PPP2R2B: variants seen among roughly 807,000 people sequenced by gnomAD.
PPP2R2B encodes protein phosphatase 2 regulatory subunit Bbeta.
Under a neutral mutation model 46.0 loss-of-function variants are expected in PPP2R2B, and 5 were observed. The observed-to-expected ratio is 0.11, with a 90% CI of 0.06 to 0.23. The LOEUF is 0.23. Among genes scored for constraint, PPP2R2B ranks in the 10% least tolerant of loss-of-function variants. The pLI is 1.00. For synonymous variants in PPP2R2B, 215 were observed against 206.7 expected (o/e 1.04, Z -0.34); for missense variants, 367 against 575.0 (o/e 0.64, Z 3.70).
At chr5:146,714,892 C>G (rs557546067) in intron 2 of PPP2R2B, among the ~76,000 whole-genome samples, 9 of 152,076 alleles carry the variant, frequency 5.9e-5, no homozygotes, top group Non-Finnish European at 1.0e-4. Context: ...ATCTCTTCCT[C>G]CCTTCCCTTC....
intron 2 of PPP2R2B, among the ~76,000 whole-genome samples, chr5:146,792,601 G>T (rs1277670502): frequency 2.6e-5 from 4 of 152,100 alleles, no homozygotes; most frequent in Non-Finnish European, 5.9e-5. Flanking sequence ...AAGACTAAAG[G>T]TGCAAGGGGA....
chr5:146,805,912 A>G (rs1004995431), intron 2 of PPP2R2B, among the ~76,000 whole-genome samples: 10 of 152,124 alleles, frequency 6.6e-5, no homozygotes, highest in African/African-American at 1.9e-4. Flanking sequence ...GTTCTTATTT[A>G]TTTCCTAGAA....
chr5:146,864,488 G>T (rs1469435884), intron 2 of PPP2R2B, among the ~76,000 whole-genome samples: 1 of 150,916 alleles, frequency 6.6e-6, no homozygotes, highest in African/African-American at 2.4e-5. Flanking sequence ...AACCATACTG[G>T]TTGTCATACT....
At chr5:146,877,063 T>A in intron 2 of PPP2R2B, among the ~76,000 whole-genome samples, 1 of 152,192 alleles carries the variant, frequency 6.6e-6, no homozygotes, top group African/African-American at 2.4e-5. Context: ...TGCAACACTT[T>A]GTATGAGTGG....
At chr5:146,929,601 G>A (rs899844063) in intron 1 of PPP2R2B, among the ~76,000 whole-genome samples, 48 of 152,172 alleles carry the variant, frequency 3.2e-4, no homozygotes, top group Middle Eastern at 6.8e-3. Context: ...GGGTACATTA[G>A]CATAGTAAAA....
chr5:146,845,847 A>C (rs1189858793), intron 2 of PPP2R2B, among the ~76,000 whole-genome samples: 1 of 152,178 alleles, frequency 6.6e-6, no homozygotes, highest in African/African-American at 2.4e-5. Flanking sequence ...GTGTAAATCT[A>C]AACTATTTTT....
intron 1 of PPP2R2B, among the ~76,000 whole-genome samples, chr5:147,004,343 G>T (rs1459372527): frequency 6.6e-6 from 1 of 152,092 alleles, no homozygotes; most frequent in Non-Finnish European, 1.5e-5. Context: ...TAGGACTGAG[G>T]ATGCCCAGGG....
At chr5:146,918,748 T>TTC (rs1582425163) in intron 1 of PPP2R2B, among the ~76,000 whole-genome samples, 2 of 152,338 alleles carry the variant, frequency 1.3e-5, no homozygotes, top group East Asian at 3.9e-4. Flanking sequence ...GTAACCACAT[T>TTC]TCTCCCACTA....
intron 2 of PPP2R2B, among the ~76,000 whole-genome samples, chr5:146,844,324 G>T (rs1469611916): frequency 6.7e-6 from 1 of 148,990 alleles, no homozygotes; most frequent in Non-Finnish European, 1.5e-5. Context: ...TGCACAATGT[G>T]CACATGTACC....
In PPP2R2B at chr5:146,748,982, T is replaced by G. The variant is rs139418390; in HGVS notation, c.71-47840A>C. On this transcript the variant is annotated intron_variant, in intron 2 of 9. Coordinates refer to ENST00000394411, the MANE Select transcript of PPP2R2B (RefSeq NM_181675.4). ...GTTTTTAAGAAATTGCCAAGTTGTT[T>G]TCCAGAATTTTTTCCCTAGAATATT... 1.1e-4 allele frequency among the ~76,000 whole-genome samples: 17 copies of G among 152,330 alleles called. No homozygotes were observed. In the East Asian group the frequency reaches 2.5e-3, roughly 22 times the overall value.
At chr5:146,812,497 G>GTA (rs1203413231) in intron 2 of PPP2R2B, among the ~76,000 whole-genome samples, 1 of 22,912 alleles carries the variant, frequency 4.4e-5, no homozygotes, top group Non-Finnish European at 1.2e-4. Context: ...TATATATACT[G>GTA]TATATATATA....
intron 1 of PPP2R2B, among the ~76,000 whole-genome samples, chr5:146,988,173 G>A (rs763843890): frequency 7.9e-4 from 120 of 151,866 alleles, no homozygotes; most frequent in African/African-American, 2.9e-3. Flanking sequence ...ATAATAGTAG[G>A]AGAGTTCAAC....
At chr5:146,898,736 GCTAA>G (rs1762728813) in intron 1 of PPP2R2B, among the ~76,000 whole-genome samples, 2 of 107,790 alleles carry the variant, frequency 1.9e-5, no homozygotes, top group Non-Finnish European at 3.4e-5. Context: ...CTGACAAAGG[GCTAA>G]TATCCAGAAT....
At chr5:146,760,205 T>C (rs1402131999) in intron 2 of PPP2R2B, among the ~76,000 whole-genome samples, 4 of 152,252 alleles carry the variant, frequency 2.6e-5, no homozygotes, top group Non-Finnish European at 4.4e-5. Context: ...TTAGGAACTA[T>C]GCCAAGTGCT....
chr5:146,809,198 CCG>C (rs1302721445), intron 2 of PPP2R2B, among the ~76,000 whole-genome samples: 1 of 152,080 alleles, frequency 6.6e-6, no homozygotes, highest in Non-Finnish European at 1.5e-5. Flanking sequence ...TTCTATGTGG[CCG>C]TCAGGCTTTC....
intron 2 of PPP2R2B, among the ~76,000 whole-genome samples, chr5:146,702,318 G>C (rs781627987): frequency 9.2e-5 from 14 of 152,120 alleles, no homozygotes; most frequent in Non-Finnish European, 1.9e-4. Flanking sequence ...GTATGAAAAG[G>C]CTCCTTATGG....
chr5:146,925,040 C>T (rs1185695801), intron 1 of PPP2R2B, among the ~76,000 whole-genome samples: 1 of 152,108 alleles, frequency 6.6e-6, no homozygotes, highest in Non-Finnish European at 1.5e-5. Context: ...AAGTTTGCTC[C>T]AATATACTGC....
At chr5:146,607,107 C>G (rs1419906404) in intron 7 of PPP2R2B, 1 of 152,064 alleles carries the variant, frequency 6.6e-6, no homozygotes, top group Non-Finnish European at 1.5e-5. Flanking sequence ...CAGTTTTGCC[C>G]CTGGAGAGAA....
intron 5 of PPP2R2B, among the ~76,000 whole-genome samples, chr5:146,655,216 C>T (rs1776242995): frequency 6.6e-6 from 1 of 152,204 alleles, no homozygotes; most frequent in Non-Finnish European, 1.5e-5. Context: ...CTTGCCTGGA[C>T]ACCCAGTATT....
Sources: gnomAD v4.1 joint callset for allele counts (sites outside exome capture counted in the v4.1 genomes callset) on GRCh38, gnomAD v4.1.1 for gene constraint, MANE v1.5 for transcripts, NCBI Gene and HGNC (gene_info 2026-07-23, HGNC 2026-07-21) for gene names.